The following FEZ2 variants were observed in gnomAD, a reference collection of about 807,000 sequenced individuals.
FEZ2 encodes fasciculation and elongation protein zeta-2.
In FEZ2, 51 loss-of-function variants were observed where a neutral mutation model predicts 40.4. That is an observed-to-expected ratio of 1.26 (90% CI 1.01 to 1.59). The LOEUF (loss-of-function observed/expected upper bound fraction) is 1.59. FEZ2 is among the 40% of genes most tolerant of loss of function. The pLI is 0.00. For missense variants in FEZ2, 640 were observed against 438.3 expected (o/e 1.46, Z -4.11); for synonymous variants, 242 against 172.0 (o/e 1.41, Z -3.18).
chr2:36,556,826 C>T (rs965274010), intron 6 of FEZ2: 1 of 152,134 alleles, frequency 6.6e-6, no homozygotes, highest in Admixed American at 6.5e-5. Context: ...TATTATTGCA[C>T]CCAAAATCCC....
intron 3 of FEZ2, chr2:36,581,681 T>A (rs1668754832): frequency 2.5e-6 from 1 of 403,020 alleles, no homozygotes; most frequent in Admixed American, 4.1e-5. Context: ...CCATCATGAT[T>A]CAGAAGGCCC....
chr2:36,583,483 T>C lies in FEZ2; in HGVS notation c.376-14A>G, dbSNP rs750952304. On this transcript the variant is annotated splice_polypyrimidine_tract_variant and intron_variant, in intron 2 of 7. Transcript: ENST00000405912. ...ACTGTCACTTACCTAAAAACAAAAA[T>C]ACCCATCATTAAAAGCAGGACATCC... 6 of 1,277,658 alleles carry C rather than the reference T, an allele frequency of 4.7e-6. No homozygotes were observed. In the African/African-American group the frequency reaches 5.9e-5, roughly 13 times the overall value. The allele number at this position is 1,277,658 out of a possible 1,614,324, so 79.1% of individuals were successfully genotyped here.
chr2:36,556,485 C>G (rs1170107605), intron 6 of FEZ2: 2 of 152,236 alleles, frequency 1.3e-5, no homozygotes, highest in Non-Finnish European at 2.9e-5. Flanking sequence ...AAATTTTCTC[C>G]AAAGCATCCT....
At chr2:36,581,898 T>C (rs1163348396) in intron 3 of FEZ2, among the ~76,000 whole-genome samples, 1 of 152,078 alleles carries the variant, frequency 6.6e-6, no homozygotes, top group Non-Finnish European at 1.5e-5. Context: ...AAAAAGTATA[T>C]ATAAATGGGA....
chr2:36,562,085 C>T (rs1415659281), intron 5 of FEZ2, among the ~76,000 whole-genome samples: 21 of 152,276 alleles, frequency 1.4e-4, no homozygotes. Context: ...AAATGACAGA[C>T]TGAATGCAGA....
At position 36,578,856 on chromosome 2, in the gene FEZ2, C is replaced by T. The variant is rs748764515; in HGVS notation, c.644G>A (p.Arg215Lys). ...STGSYEERVK[R>K]LSVSELNEIL... ...TTCATTTAACTCAGACACTGAGAGCCTTTTCACTCCTGTGACCAAAAGCAA... is the reference window on the plus strand; with the variant it reads ...TTCATTTAACTCAGACACTGAGAGCTTTTTCACTCCTGTGACCAAAAGCAA... Residue 215 changes from arginine to lysine, a missense_variant, in exon 5 of 8, where the codon AGG becomes AAG. Arg to Lys is a conservative substitution (Grantham distance 26). Transcript: ENST00000405912. 5 of 1,607,572 alleles carry T rather than the reference C, an allele frequency of 3.1e-6. No individual in the cohort carries two copies. Among genetic ancestry groups the T allele is most frequent in the Non-Finnish European group, 4.2e-6 (5 of 1,177,652 alleles).
chr2:36,579,292 A>C (rs1041206890), intron 4 of FEZ2, among the ~76,000 whole-genome samples: 1 of 152,208 alleles, frequency 6.6e-6, no homozygotes, highest in Non-Finnish European at 1.5e-5. Flanking sequence ...ACAGGAAAGG[A>C]GTTGATCTGA....
Position 36,552,361 on chromosome 2 carries a change from T to G in FEZ2, c.*802A>C, listed in dbSNP as rs1018789818. ...CATAAGTAGCTGTATCTAGAATTCA[T>G]ACTTAAGAAAAACACACAGGCATGA... is the stretch of plus-strand genomic sequence containing the variant. On this transcript the variant is annotated 3_prime_UTR_variant, in exon 8 of 8. Coordinates refer to ENST00000405912, the MANE Select transcript of FEZ2 (RefSeq NM_005102.3). 13 of 373,726 alleles carry G rather than the reference T, an allele frequency of 3.5e-5. No homozygotes were observed. Among genetic ancestry groups the G allele is most frequent in the Admixed American group, 3.2e-4 (9 of 27,970 alleles). The allele number at this position is 373,726 out of a possible 1,614,324, so 23.2% of individuals were successfully genotyped here.
chr2:36,590,992 C>T lies in FEZ2; in HGVS notation c.286G>A (p.Asp96Asn), dbSNP rs771867962. Residue 96 changes from aspartate (D) to asparagine (N), a missense_variant, in exon 2 of 8, where the codon GAT (aspartate) becomes AAT (asparagine). By Grantham distance (23) the Asp-to-Asn change is conservative. Coordinates refer to ENST00000405912, the MANE Select transcript of FEZ2 (RefSeq NM_005102.3). ...QGDEIWNALT[D>N]NYGNVMPVDW... ...ACAGGCATCACATTCCCATAATTATCTGTCAGGGCATTCCAAATCCTTAAA... is the reference window on the plus strand; with the variant it reads ...ACAGGCATCACATTCCCATAATTATTTGTCAGGGCATTCCAAATCCTTAAA... 9 of 1,607,520 alleles carry T rather than the reference C, an allele frequency of 5.6e-6. No individual in the cohort carries two copies. The highest frequency in any genetic ancestry group is 7.7e-6 in the Non-Finnish European group (9 of 1,174,092).
chr2:36,597,835 G>C lies in FEZ2; in HGVS notation c.266+42C>G, dbSNP rs911181010. ...AGGGCTGCCGGTCGGGCGAGGGGTA[G>C]GGGAGGCTCCCGCCCACTCCCGGCC... On this transcript the variant is annotated intron_variant, in intron 1 of 7. Transcript: ENST00000405912. 640 of 1,316,114 alleles carry C rather than the reference G, an allele frequency of 4.9e-4. 1 individual carries two copies. The highest frequency in any genetic ancestry group is 3.4e-3 in the Middle Eastern group (12 of 3,494). 81.5% of individuals were successfully genotyped at this position (1,316,114 alleles called of 1,614,324 possible). A position where few individuals can be genotyped will look rare whatever the true frequency, so the allele number is the denominator to read the frequency against.
At chr2:36,594,746 A>G (rs566215291) in intron 1 of FEZ2, among the ~76,000 whole-genome samples, 3 of 152,354 alleles carry the variant, frequency 2.0e-5, no homozygotes, top group African/African-American at 7.2e-5. Flanking sequence ...TAGCAGGTGA[A>G]GACAGTCCAG....
intron 1 of FEZ2, among the ~76,000 whole-genome samples, chr2:36,592,641 C>G (rs1377452383): frequency 7.3e-5 from 7 of 95,512 alleles, no homozygotes; most frequent in Non-Finnish European, 4.0e-5. Context: ...CCCCACATCT[C>G]TACAAAAAAA....
chr2:36,580,242 G>C (rs969984259), intron 4 of FEZ2, among the ~76,000 whole-genome samples: 1 of 152,196 alleles, frequency 6.6e-6, no homozygotes, highest in African/African-American at 2.4e-5. Flanking sequence ...CGTTAACACT[G>C]TTTAGCCCAT....
intron 5 of FEZ2, among the ~76,000 whole-genome samples, chr2:36,565,723 G>C (rs761678381): frequency 6.6e-6 from 1 of 152,058 alleles, no homozygotes; most frequent in African/African-American, 2.4e-5. Flanking sequence ...TTTGAATATA[G>C]CAATTATCAC....
At chr2:36,571,702 C>A (rs1431921804) in intron 5 of FEZ2, among the ~76,000 whole-genome samples, 2 of 150,622 alleles carry the variant, frequency 1.3e-5, no homozygotes, top group South Asian at 4.2e-4. Flanking sequence ...TCAAGCACCA[C>A]TGCTTAGATA....
intron 5 of FEZ2, among the ~76,000 whole-genome samples, chr2:36,569,692 C>T (rs949306297): frequency 6.6e-6 from 1 of 152,268 alleles, no homozygotes; most frequent in Non-Finnish European, 1.5e-5. Context: ...ACATCCAAGA[C>T]AGGGAAAAGC....
intron 2 of FEZ2, chr2:36,590,184 C>T: frequency 6.6e-6 from 1 of 152,176 alleles, no homozygotes; most frequent in Non-Finnish European, 1.5e-5. Context: ...TTTTAAAAGC[C>T]AAGAACTAAA....
chr2:36,598,041 C>G lies in FEZ2; in HGVS notation c.102G>C (p.Ala34=). The G allele has an allele frequency of 1.3e-6, 2 of 1,501,946 alleles. No individual in the cohort carries two copies. The highest frequency in any genetic ancestry group is 1.8e-6 in the Non-Finnish European group (2 of 1,130,544). 93.0% of individuals were successfully genotyped at this position (1,501,946 alleles called of 1,614,324 possible). ...CCCCACCCGCCTCGGCCCCCGCCTC[C>G]GCCCCAGGCTCGGGGCTCGCGTTAC... ...ENCNASPEPG[A]EAGAEAGGGA... The change falls in exon 1 of 8, where the codon GCG becomes GCC. Residue 34 remains alanine (A), a synonymous_variant. Coordinates refer to ENST00000405912, the MANE Select transcript of FEZ2 (RefSeq NM_005102.3).
At chr2:36,554,212 G>T (rs1558438464) in intron 7 of FEZ2, 4 of 471,144 alleles carry the variant, frequency 8.5e-6, no homozygotes, top group Admixed American at 2.3e-5. Flanking sequence ...AGAATTAGAT[G>T]GGTGCTGCTT....
Sources: allele counts gnomAD v4.1 joint callset (sites outside exome capture counted in the v4.1 genomes callset), GRCh38; gene constraint gnomAD v4.1.1; transcripts MANE v1.5; gene names NCBI Gene and HGNC (gene_info 2026-07-23, HGNC 2026-07-21).